The following RABGAP1 variants were observed in gnomAD, a reference collection of about 807,000 sequenced individuals.
RABGAP1 encodes rab GTPase-activating protein 1.
In RABGAP1, 23 loss-of-function variants were observed where a neutral mutation model predicts 137.6. The observed-to-expected ratio is 0.17, with a 90% confidence interval of 0.12 to 0.24. The LOEUF is 0.24. RABGAP1 is among the 10% of genes least tolerant of loss of function. RABGAP1 has a pLI of 1.00. For synonymous variants in RABGAP1, 451 were observed against 450.7 expected, an observed-to-expected ratio of 1.00 and a Z score of -0.01; for missense variants, 906 against 1,275.8, an observed-to-expected ratio of 0.71 and a Z score of 4.42.
intron 19 of RABGAP1, among the ~76,000 whole-genome samples, chr9:123,086,833 T>C (rs1383547421): frequency 6.6e-6 from 1 of 152,172 alleles, no homozygotes; most frequent in Non-Finnish European, 1.5e-5. Flanking sequence ...TGTACACCCG[T>C]TCCTGAGAGG....
rs1421472758 is a variant in RABGAP1, at chr9:123,100,640, C to T, written c.2890-926C>T. On this transcript the variant is annotated intron_variant, in intron 24 of 25. Transcript: ENST00000373647. ...TTCACCATCTTGGCCAGGCTGGTCT[C>T]GAACTCCTGAGCTCGTGATCCACCC... 9.9e-5 allele frequency among the ~76,000 whole-genome samples: 15 copies of T among 152,220 alleles called. 1 individual carries two copies. The highest frequency in any genetic ancestry group is 8.3e-4 in the South Asian group (4 of 4,816).
chr9:123,070,546 C>A lies in RABGAP1; in HGVS notation c.1983+122C>A. 6.8e-7 allele frequency: 1 copy of A among 1,467,252 alleles called. No homozygotes were observed. Among genetic ancestry groups the A allele is most frequent in the South Asian group, 1.5e-5 (1 of 66,572 alleles). 90.9% of individuals were successfully genotyped at this position (1,467,252 alleles called of 1,614,324 possible). A position where few individuals can be genotyped will look rare whatever the true frequency, so the allele number is the denominator to read the frequency against. On this transcript the variant is annotated intron_variant, in intron 15 of 25. Transcript: ENST00000373647. The surrounding 1 kb of genome is among the most constrained non-coding windows in gnomAD (Gnocchi z 4.4). Reference sequence around the variant, plus strand: ...ACTCTTAAGGCATGAATTTTAACACCTATAGCTGGAAACTTTTTCCTTAAA... The same window carrying A: ...ACTCTTAAGGCATGAATTTTAACACATATAGCTGGAAACTTTTTCCTTAAA...
At chr9:122,985,410 C>T (rs1836315610) in intron 3 of RABGAP1, among the ~76,000 whole-genome samples, 1 of 152,016 alleles carries the variant, frequency 6.6e-6, no homozygotes. Context: ...GTCAGGAGAT[C>T]GAGACCATCT....
chr9:123,041,540 G>C (rs1281176248), intron 13 of RABGAP1, among the ~76,000 whole-genome samples: 1 of 152,140 alleles, frequency 6.6e-6, no homozygotes, highest in Non-Finnish European at 1.5e-5. Context: ...CAGACCTCCT[G>C]CTAAATGTAG....
intron 21 of RABGAP1, among the ~76,000 whole-genome samples, chr9:123,093,348 A>G (rs2035084442): frequency 6.6e-6 from 1 of 152,178 alleles, no homozygotes; most frequent in African/African-American, 2.4e-5. Flanking sequence ...AATGGGAGTA[A>G]TGACTAGACC....
At chr9:122,995,530 T>C (rs931186109) in intron 6 of RABGAP1, among the ~76,000 whole-genome samples, 1 of 151,258 alleles carries the variant, frequency 6.6e-6, no homozygotes, top group African/African-American at 2.4e-5. Context: ...TTTAGCTTTA[T>C]AAATGCTTTA....
At chr9:122,950,377 CTTTTTTTTTTT>C (rs200424486) in intron 1 of RABGAP1, among the ~76,000 whole-genome samples, 1 of 74,492 alleles carries the variant, frequency 1.3e-5, no homozygotes, top group African/African-American at 5.3e-5. Context: ...CTTTTTCTTT[CTTTTTTTTTTT>C]TTTTTTTTTT....
At chr9:122,974,064 C>CT (rs1196743837) in intron 2 of RABGAP1, among the ~76,000 whole-genome samples, 2 of 151,676 alleles carry the variant, frequency 1.3e-5, no homozygotes, top group Non-Finnish European at 2.9e-5. Context: ...TAATGCAGAT[C>CT]TTTTATTCAG....
At chr9:123,054,132 C>G (rs2033600439) in intron 13 of RABGAP1, among the ~76,000 whole-genome samples, 4 of 152,132 alleles carry the variant, frequency 2.6e-5, no homozygotes. Flanking sequence ...TTTAGGAGAG[C>G]CTTCAAATTT....
rs201823428 is a variant in RABGAP1 at position 123,074,282 on chromosome 9, C to T, written c.2110-3C>T. 3.1e-6 allele frequency: 5 copies of T among 1,613,462 alleles called. No homozygotes were observed. The East Asian group carries it at 8.9e-5, about 29-fold the overall frequency. ...CCCAGAACTAATTGGTTTGCTATTT[C>T]AGGAATACATTCCTGACCTGTACAA... On this transcript the variant is annotated splice_polypyrimidine_tract_variant and splice_region_variant and intron_variant, in intron 16 of 25. Coordinates refer to ENST00000373647, the MANE Select transcript of RABGAP1 (RefSeq NM_012197.4).
intron 6 of RABGAP1, among the ~76,000 whole-genome samples, chr9:122,993,513 C>T (rs1028640786): frequency 2.0e-5 from 3 of 152,064 alleles, no homozygotes; most frequent in Non-Finnish European, 2.9e-5. Context: ...CTCAGGTGAT[C>T]CACCTGCCTC....
intron 1 of RABGAP1, among the ~76,000 whole-genome samples, chr9:122,945,102 C>T (rs143568460): frequency 1.5e-5 from 2 of 134,992 alleles, no homozygotes; most frequent in South Asian, 2.6e-4. Flanking sequence ...ACTTAATGCC[C>T]GTGAGTATGC....
chr9:123,020,860 A>T, intron 13 of RABGAP1: 1 of 858,080 alleles, frequency 1.2e-6, no homozygotes, highest in South Asian at 5.4e-5. Flanking sequence ...TAAGAAAATA[A>T]TTCTTTAATC....
At chr9:123,084,553 CT>C (rs1365712362) in intron 19 of RABGAP1, among the ~76,000 whole-genome samples, 3 of 152,234 alleles carry the variant, frequency 2.0e-5, no homozygotes, top group Admixed American at 1.3e-4. Flanking sequence ...TTAAGCCAAA[CT>C]TTGAAAGCAG....
At chr9:123,077,236 A>C (rs2034543808) in intron 19 of RABGAP1, among the ~76,000 whole-genome samples, 1 of 149,170 alleles carries the variant, frequency 6.7e-6, no homozygotes, top group African/African-American at 2.5e-5. Flanking sequence ...TGCAGCCTGG[A>C]CCTCCCAGGC....
intron 14 of RABGAP1, among the ~76,000 whole-genome samples, chr9:123,069,350 G>A (rs1158746316): frequency 1.3e-5 from 2 of 152,132 alleles, no homozygotes; most frequent in Non-Finnish European, 2.9e-5. Context: ...TTTCGTGAGC[G>A]CATGCTGTAT....
chr9:123,047,936 T>TTG (rs2033286681), intron 13 of RABGAP1, among the ~76,000 whole-genome samples: 1 of 80,864 alleles, frequency 1.2e-5, no homozygotes, highest in Non-Finnish European at 2.1e-5. Flanking sequence ...TTTTTTTTTT[T>TTG]TTTTTTTTTT....
chr9:122,960,658 G>A (rs939294250), intron 2 of RABGAP1, among the ~76,000 whole-genome samples: 8 of 152,106 alleles, frequency 5.3e-5, no homozygotes, highest in Non-Finnish European at 1.0e-4. Context: ...CAGACATCCC[G>A]TTAAAAAAGC....
At chr9:123,006,854 C>T (rs183641243) in intron 10 of RABGAP1, among the ~76,000 whole-genome samples, 135 of 152,206 alleles carry the variant, frequency 8.9e-4, no homozygotes, top group African/African-American at 2.9e-3. Flanking sequence ...GGTGATCCAC[C>T]CGCCTCAGCC....
Sources: gnomAD v4.1 joint callset for allele counts (sites outside exome capture counted in the v4.1 genomes callset) on GRCh38, gnomAD v4.1.1 for gene constraint, Gnocchi (gnomAD v3.1) non-coding constraint, MANE v1.5 for transcripts, NCBI Gene and HGNC (gene_info 2026-07-23, HGNC 2026-07-21) for gene names.